Variants in NRXN3 observed in about 807,000 individuals in gnomAD.
NRXN3 encodes neurexin 3.
NRXN3 carries 32 observed loss-of-function variants against 137.6 expected under a neutral mutation model. The ratio of observed to expected loss-of-function variants is 0.23; its 90% CI spans 0.18 to 0.31. NRXN3 has a LOEUF of 0.31. Among genes scored for constraint, NRXN3 ranks in the 10% least tolerant of loss-of-function variants. The pLI is 1.00. For synonymous variants in NRXN3, 798 were observed against 784.5 expected, an observed-to-expected ratio of 1.02 and a Z score of -0.29; for missense variants, 1,574 against 2,062.5, an observed-to-expected ratio of 0.76 and a Z score of 4.59.
At chr14:79,574,183 ATC>A (rs2097642551) in intron 16 of NRXN3, among the ~76,000 whole-genome samples, 1 of 152,002 alleles carries the variant, frequency 6.6e-6, no homozygotes, top group Non-Finnish European at 1.5e-5. Context: ...TTGCTTAGAA[ATC>A]TCTTATATTT....
intron 15 of NRXN3, among the ~76,000 whole-genome samples, chr14:79,206,644 A>T (rs1342834937): frequency 6.6e-6 from 1 of 152,172 alleles, no homozygotes; most frequent in African/African-American, 2.4e-5. Flanking sequence ...ACCTTTTCTA[A>T]TGAGTTATTG....
chr14:79,264,522 ATGTG>A (rs34099529), intron 15 of NRXN3, among the ~76,000 whole-genome samples: 6,602 of 144,838 alleles, frequency 0.046, 157 homozygotes, highest in East Asian at 0.083. Flanking sequence ...TGTTTACATG[ATGTG>A]TGTGTGTGTG....
intron 4 of NRXN3, among the ~76,000 whole-genome samples, chr14:78,327,140 ATAT>A (rs1186827143): frequency 2.0e-5 from 3 of 152,196 alleles, no homozygotes; most frequent in Non-Finnish European, 4.4e-5. Context: ...TAAATGTTAG[ATAT>A]TATTAGTTAT....
chr14:79,014,544 G>A (rs568207576), intron 15 of NRXN3, among the ~76,000 whole-genome samples: 1 of 152,262 alleles, frequency 6.6e-6, no homozygotes, highest in South Asian at 2.1e-4. Context: ...TTGCTATTGT[G>A]AATAGTGCTG....
chr14:79,318,824 C>T (rs2089428642), intron 15 of NRXN3, among the ~76,000 whole-genome samples: 1 of 152,134 alleles, frequency 6.6e-6, no homozygotes, highest in Non-Finnish European at 1.5e-5. Flanking sequence ...TTATAATACT[C>T]ATATTAAATT....
chr14:79,425,998 G>GGAGAGA (rs377144359), intron 15 of NRXN3, among the ~76,000 whole-genome samples: 3 of 149,468 alleles, frequency 2.0e-5, no homozygotes, highest in Non-Finnish European at 4.5e-5. Context: ...GGAGAGAAGG[G>GGAGAGA]GAGAGAGAGA....
At chr14:78,233,324 G>A (rs2065713735) in intron 1 of NRXN3, among the ~76,000 whole-genome samples, 1 of 152,134 alleles carries the variant, frequency 6.6e-6, no homozygotes, top group Non-Finnish European at 1.5e-5. Context: ...CCAATCTAGT[G>A]GTCTTTCCCT....
At chr14:78,636,437 C>T (rs1027522887) in intron 4 of NRXN3, among the ~76,000 whole-genome samples, 14 of 151,938 alleles carry the variant, frequency 9.2e-5, no homozygotes, top group South Asian at 2.1e-4. Context: ...TATCTAATTA[C>T]GAAATGTAGA....
At chr14:78,624,349 C>T (rs1486833761) in intron 4 of NRXN3, among the ~76,000 whole-genome samples, 2 of 152,194 alleles carry the variant, frequency 1.3e-5, no homozygotes, top group African/African-American at 4.8e-5. Flanking sequence ...ATTCTTCTCA[C>T]ACAGGGAGGT....
intron 15 of NRXN3, among the ~76,000 whole-genome samples, chr14:79,126,671 G>A (rs1226809880): frequency 6.6e-6 from 1 of 151,834 alleles, no homozygotes; most frequent in Non-Finnish European, 1.5e-5. Flanking sequence ...ATGATTTATA[G>A]TCCTTTGGGT....
chr14:78,479,238 C>A (rs981915077), intron 4 of NRXN3, among the ~76,000 whole-genome samples: 2 of 152,180 alleles, frequency 1.3e-5, no homozygotes, highest in African/African-American at 4.8e-5. Flanking sequence ...GAGAAGTGGC[C>A]TGGGCATTGG....
chr14:78,933,417 A>G (rs550284602), intron 10 of NRXN3, among the ~76,000 whole-genome samples: 116 of 152,330 alleles, frequency 7.6e-4, no homozygotes, highest in African/African-American at 2.6e-3. Flanking sequence ...TTCCTGTTTT[A>G]ACTTTGTGGC....
intron 1 of NRXN3, among the ~76,000 whole-genome samples, chr14:78,230,460 G>A (rs1467200190): frequency 1.3e-5 from 2 of 152,126 alleles, no homozygotes; most frequent in Non-Finnish European, 2.9e-5. Context: ...GGGTGACATG[G>A]AGGGGTACAG....
At chr14:79,229,556 C>T (rs2153275418) in intron 15 of NRXN3, among the ~76,000 whole-genome samples, 1 of 152,272 alleles carries the variant, frequency 6.6e-6, no homozygotes, top group South Asian at 2.1e-4. Flanking sequence ...CTAGCAGTGA[C>T]TCTTTCTACC....
chr14:79,315,218 A>G (rs2088292443), intron 15 of NRXN3, among the ~76,000 whole-genome samples: 2 of 152,300 alleles, frequency 1.3e-5, no homozygotes, highest in South Asian at 4.1e-4. Flanking sequence ...CTTAAAACAT[A>G]CCTGGTAAAA....
chr14:79,253,525 A>G (rs190717009), intron 15 of NRXN3, among the ~76,000 whole-genome samples: 246 of 152,318 alleles, frequency 1.6e-3, no homozygotes, highest in African/African-American at 5.0e-3. Context: ...GTTTCTTCTT[A>G]TATTGCTACT....
At chr14:78,900,660 C>T (rs2099193011) in intron 10 of NRXN3, among the ~76,000 whole-genome samples, 1 of 151,932 alleles carries the variant, frequency 6.6e-6, no homozygotes, top group African/African-American at 2.4e-5. Flanking sequence ...TCATACCTTA[C>T]AGATGCCCTT....
chr14:78,605,456 C>T (rs1352783037), intron 4 of NRXN3, among the ~76,000 whole-genome samples: 1 of 152,060 alleles, frequency 6.6e-6, no homozygotes, highest in African/African-American at 2.4e-5. Flanking sequence ...GGAAAAATAT[C>T]CAAGTGAATA....
chr14:79,526,626 A>G (rs942753619), intron 16 of NRXN3, among the ~76,000 whole-genome samples: 4 of 152,202 alleles, frequency 2.6e-5, no homozygotes, highest in African/African-American at 9.7e-5. Context: ...TATTAGCTGC[A>G]TACCGTGTGC....
Sources: allele counts gnomAD v4.1 joint callset (sites outside exome capture counted in the v4.1 genomes callset), GRCh38; gene constraint gnomAD v4.1.1; transcripts MANE v1.5; gene names NCBI Gene and HGNC (gene_info 2026-07-23, HGNC 2026-07-21).